Variants in C14orf39 observed in about 807,000 individuals in gnomAD.
C14orf39 encodes chromosome 14 open reading frame 39, also known as protein SIX6OS1.
Under a neutral mutation model 85.6 loss-of-function variants are expected in C14orf39, and 66 were observed. The observed-to-expected ratio is 0.77, with a 90% CI of 0.63 to 0.95. C14orf39 has a LOEUF of 0.95. Among genes scored for constraint, C14orf39 ranks in the 40% least tolerant of loss-of-function variants. The pLI, the probability that C14orf39 is intolerant of heterozygous loss-of-function variation, is 0.00. For synonymous variants in C14orf39, 242 were observed against 214.0 expected (o/e 1.13, Z -1.14); for missense variants, 735 against 663.9 (o/e 1.11, Z -1.18).
intron 8 of C14orf39, 46 bp downstream of exon 8, chr14:60,469,481 ATTATAC>A (rs2140115774): frequency 1.3e-6 from 1 of 776,740 alleles, no homozygotes; most frequent in East Asian, 3.3e-5. Flanking sequence ...CTAACATACC[ATTATAC>A]TTATACATTA....
chr14:60,473,441 G>A (rs918153652), intron 5 of C14orf39, among the ~76,000 whole-genome samples: 5 of 152,088 alleles, frequency 3.3e-5, no homozygotes, highest in Non-Finnish European at 7.4e-5. Flanking sequence ...GGCTTTTGTT[G>A]CCATTGCTTT....
chr14:60,446,144 T>C (rs559205573), intron 16 of C14orf39, among the ~76,000 whole-genome samples: 2 of 152,006 alleles, frequency 1.3e-5, no homozygotes, highest in South Asian at 4.2e-4. Context: ...AACATCAAAA[T>C]TAAAAGAGCT....
chr14:60,484,567 A>T lies in C14orf39; in HGVS notation c.106+314T>A, dbSNP rs1595488383. ...GGTGGTTTCTATAAAGATAAAAAAA[A>T]TTTCACTCAACTATTTGAAATAACT... On this transcript the variant is annotated intron_variant, in intron 3 of 17. Transcript: ENST00000321731. The surrounding 1 kb of genome is among the most constrained non-coding windows in gnomAD (Gnocchi z 4.2). 2.0e-5 allele frequency among the ~76,000 whole-genome samples: 3 copies of T among 152,298 alleles called. No individual in the cohort carries two copies. In the East Asian group the frequency reaches 5.8e-4, roughly 29 times the overall value.
chr14:60,487,441 A>T (rs150925453), upstream of C14orf39, among the ~76,000 whole-genome samples: 417 of 151,900 alleles, frequency 2.7e-3, 1 homozygote, highest in African/African-American at 9.5e-3. Context: ...TCCATCATCC[A>T]TGTGGTCACA....
In C14orf39 at chr14:60,456,936, T is replaced by C. The variant is rs926328665; in HGVS notation, c.1339A>G (p.Lys447Glu). 6.4e-7 allele frequency: 1 copy of C among 1,574,712 alleles called. No homozygotes were observed. The highest frequency in any genetic ancestry group is 8.6e-7 in the Non-Finnish European group (1 of 1,166,306). Residue 447 changes from lysine (K) to glutamate (E), a missense_variant, in exon 15 of 18, where the codon AAA (lysine) becomes GAA (glutamate). Coordinates refer to ENST00000321731, the MANE Select transcript of C14orf39 (RefSeq NM_174978.3). ...PESLEKIKFP[K>E]TPPFEINRNR... ...TCCTACATTTCGAACGGGGGGGTTTTAGGGAATTTTATTTTCTCCAATGAC... is the reference window on the plus strand; with the variant it reads ...TCCTACATTTCGAACGGGGGGGTTTCAGGGAATTTTATTTTCTCCAATGAC...
Position 60,503,680 on chromosome 14 carries a change from A to G in C14orf39, c.-143-4250T>C, listed in dbSNP as rs529600993. ...AATTATTCAAAGAACATAGATCCTA[A>G]CAAGATAGAAGCAACCCCACCATTC... On this transcript the variant is annotated intron_variant, in intron 1 of 5. Transcript: ENST00000556799. 7.2e-5 allele frequency among the ~76,000 whole-genome samples: 11 copies of G among 152,316 alleles called. No individual in the cohort carries two copies. The South Asian group carries it at 2.3e-3, about 32-fold the overall frequency.
chr14:60,501,901 T>C (rs375922572), intron 1 of C14orf39, among the ~76,000 whole-genome samples: 14 of 152,278 alleles, frequency 9.2e-5, no homozygotes, highest in Admixed American at 5.2e-4. Flanking sequence ...TTGTTGAGAA[T>C]TTACTATGTG....
intron 1 of C14orf39, among the ~76,000 whole-genome samples, chr14:60,505,254 T>C (rs1249733211): frequency 1.3e-5 from 2 of 152,210 alleles, no homozygotes; most frequent in South Asian, 4.1e-4. Context: ...TGGCAGTTTA[T>C]TAGTATAGTT....
At chr14:60,461,893 G>A (rs1891552604) in intron 11 of C14orf39, among the ~76,000 whole-genome samples, 1 of 152,038 alleles carries the variant, frequency 6.6e-6, no homozygotes, top group Non-Finnish European at 1.5e-5. Flanking sequence ...CCATATTCAT[G>A]ACTCATCAAC....
upstream of C14orf39, among the ~76,000 whole-genome samples, chr14:60,489,601 C>G (rs1413999026): frequency 6.6e-6 from 1 of 152,170 alleles, no homozygotes; most frequent in East Asian, 1.9e-4. Context: ...AACTCTCTCT[C>G]CTCTTACCTA....
intron 11 of C14orf39, 26 bp from the exon 12 acceptor site, chr14:60,461,619 A>AAATTTATTG (rs754235986): frequency 1.2e-4 from 179 of 1,443,186 alleles, no homozygotes; most frequent in Non-Finnish European, 1.5e-4. Flanking sequence ...TAAGCATCTG[A>AAATTTATTG]CTTGGCTACA....
chr14:60,455,274 G>A (rs1184633340), intron 15 of C14orf39, 129 bp from the exon 16 acceptor site: 1 of 596,770 alleles, frequency 1.7e-6, no homozygotes, highest in Admixed American at 3.7e-5. Flanking sequence ...AGTTATTGAA[G>A]TGACAATCCT....
chr14:60,447,468 CAGAAATACAACTTACA>C (rs1890825750), intron 16 of C14orf39, among the ~76,000 whole-genome samples: 1 of 152,076 alleles, frequency 6.6e-6, no homozygotes, highest in South Asian at 2.1e-4. Flanking sequence ...AATAAAATAC[CAGAAATACAACTTACA>C]AGGCATGTGA....
intron 2 of C14orf39, among the ~76,000 whole-genome samples, chr14:60,492,344 A>T (rs1057339769): frequency 8.5e-5 from 13 of 152,370 alleles, no homozygotes; most frequent in African/African-American, 2.6e-4. Flanking sequence ...TGAATTTTTT[A>T]AAAAGAAATA....
chr14:60,458,288 C>T (rs1891369943), intron 14 of C14orf39, among the ~76,000 whole-genome samples: 2 of 151,898 alleles, frequency 1.3e-5, no homozygotes, highest in African/African-American at 4.8e-5. Context: ...ACTACCCTTC[C>T]TGGACTCTGG....
Position 60,491,816 on chromosome 14 carries a change from T to C in C14orf39, c.-8-6730A>G, listed in dbSNP as rs968575349. Reference sequence around the variant, plus strand: ...AAATGTAAATATTCTCTCTCTCTTTTTCTCTCTCTCTCTCTCTCTCACACA... The same window carrying C: ...AAATGTAAATATTCTCTCTCTCTTTCTCTCTCTCTCTCTCTCTCTCACACA... On this transcript the variant is annotated intron_variant, in intron 2 of 5. Transcript: ENST00000556799. The surrounding 1 kb of genome is among the most constrained non-coding windows in gnomAD (Gnocchi z 4.5). Among the ~76,000 whole-genome samples, 31 of 150,068 alleles carry C rather than the reference T, an allele frequency of 2.1e-4. No individual in the cohort carries two copies. The highest frequency in any genetic ancestry group is 8.4e-4 in the South Asian group (4 of 4,752).
rs1423831028 is a variant in C14orf39 at position 60,484,423 on chromosome 14, G to A, written c.106+458C>T. On this transcript the variant is annotated intron_variant, in intron 3 of 17. Transcript: ENST00000321731. The surrounding 1 kb of genome is among the most constrained non-coding windows in gnomAD (Gnocchi z 4.2). ...TCTATTTTTTATAGTTGTTTTGTTG[G>A]ATCTTAAAATACTATACAGTATTTG... Among the ~76,000 whole-genome samples, 1 of 152,020 alleles carries A rather than the reference G, an allele frequency of 6.6e-6. No homozygotes were observed. Among genetic ancestry groups the A allele is most frequent in the East Asian group, 1.9e-4 (1 of 5,190 alleles).
At chr14:60,441,630 A>G (rs978784379) in intron 17 of C14orf39, among the ~76,000 whole-genome samples, 1 of 152,174 alleles carries the variant, frequency 6.6e-6, no homozygotes, top group African/African-American at 2.4e-5. Flanking sequence ...CCACAGCCCA[A>G]AAGCATACCT....
intron 11 of C14orf39, among the ~76,000 whole-genome samples, chr14:60,462,014 G>T (rs1891556723): frequency 6.6e-6 from 1 of 152,008 alleles, no homozygotes. Context: ...AGATTAAAAA[G>T]CTGAAACTTT....
Sources: allele counts gnomAD v4.1 joint callset (sites outside exome capture counted in the v4.1 genomes callset), GRCh38; gene constraint gnomAD v4.1.1; non-coding constraint Gnocchi (gnomAD v3.1); transcripts MANE v1.5; gene names NCBI Gene and HGNC (gene_info 2026-07-23, HGNC 2026-07-21).